Variants in CDH18 observed in about 807,000 individuals in gnomAD.
CDH18 encodes cadherin 18.
In CDH18, 31 loss-of-function variants were observed where a neutral mutation model predicts 67.9. That is an observed-to-expected ratio of 0.46 (90% CI 0.34 to 0.62). CDH18 has a LOEUF of 0.62. Among genes scored for constraint, CDH18 ranks in the 20% least tolerant of loss-of-function variants. The pLI is 0.01. For synonymous variants in CDH18, 362 were observed against 347.2 expected, an observed-to-expected ratio of 1.04 and a Z score of -0.48; for missense variants, 890 against 975.5, an observed-to-expected ratio of 0.91 and a Z score of 1.17.
At chr5:20,374,581 T>C (rs78611925) in intron 1 of CDH18, among the ~76,000 whole-genome samples, 2,882 of 152,264 alleles carry the variant, frequency 0.019, 78 homozygotes, top group East Asian at 0.077. Flanking sequence ...ACTTCTGAGT[T>C]TTCAGCTTCT....
At chr5:20,373,205 A>G (rs1421511229) in intron 1 of CDH18, among the ~76,000 whole-genome samples, 3 of 152,226 alleles carry the variant, frequency 2.0e-5, no homozygotes, top group Non-Finnish European at 4.4e-5. Flanking sequence ...TGCTCTAAAA[A>G]TAGAAACTGA....
chr5:19,815,986 T>G (rs2149919603), intron 3 of CDH18, among the ~76,000 whole-genome samples: 1 of 152,066 alleles, frequency 6.6e-6, no homozygotes, highest in Non-Finnish European at 1.5e-5. Flanking sequence ...ACATACGATT[T>G]ATATCTAGAG....
rs1164204754 is a variant in CDH18 at position 19,960,620 on chromosome 5, TATACAC to T, written c.-257+20434_-257+20439del. On this transcript the variant is annotated intron_variant, in intron 2 of 12. Transcript: ENST00000382275. ...ATATATATACACACACGTGTATATA[TATACAC>T]GTGTATATGTATACATATACACGTG... 4.4e-5 allele frequency among the ~76,000 whole-genome samples: 6 copies of T among 135,278 alleles called. No individual in the cohort carries two copies. In the East Asian group the frequency reaches 1.2e-3, roughly 28 times the overall value. The allele number at this position is 135,278 out of a possible 152,430, so 88.7% of individuals were successfully genotyped here.
intron 3 of CDH18, among the ~76,000 whole-genome samples, chr5:19,777,175 G>A (rs550083975): frequency 3.3e-5 from 5 of 152,258 alleles, no homozygotes; most frequent in Non-Finnish European, 7.3e-5. Flanking sequence ...AGCTATGCAG[G>A]AGCCTGAGGC....
intron 2 of CDH18, among the ~76,000 whole-genome samples, chr5:20,036,987 T>A (rs909292801): frequency 2.0e-5 from 3 of 152,200 alleles, no homozygotes; most frequent in Admixed American, 6.5e-5. Context: ...CTCCATCCCT[T>A]TATTTTGAGC....
In CDH18 at chr5:19,942,158, A is replaced by G. The variant is rs1794892233; in HGVS notation, c.-257+38902T>C. Among the ~76,000 whole-genome samples the G allele has an allele frequency of 2.6e-5, 4 of 152,308 alleles. No individual in the cohort carries two copies. In the South Asian group the frequency reaches 8.3e-4, roughly 32 times the overall value. On this transcript the variant is annotated intron_variant, in intron 2 of 12. Transcript: ENST00000382275. ...GATCAAGATTATGAAGATCTCTGAC[A>G]GGGGATGATGTTCCATTCCCAACTA... is the stretch of plus-strand genomic sequence containing the variant.
At chr5:20,199,999 T>C (rs928067156) in intron 2 of CDH18, among the ~76,000 whole-genome samples, 10 of 152,188 alleles carry the variant, frequency 6.6e-5, no homozygotes, top group Admixed American at 3.3e-4. Flanking sequence ...TAAAACTCTT[T>C]CCTTTATAAA....
intron 5 of CDH18, among the ~76,000 whole-genome samples, chr5:19,632,266 C>A (rs1317408210): frequency 6.6e-6 from 1 of 152,144 alleles, no homozygotes; most frequent in Non-Finnish European, 1.5e-5. Flanking sequence ...GATTTGTATT[C>A]CTTCCTCGCC....
intron 10 of CDH18, among the ~76,000 whole-genome samples, chr5:19,503,954 A>T (rs1031116862): frequency 1.3e-5 from 2 of 152,162 alleles, no homozygotes; most frequent in African/African-American, 4.8e-5. Context: ...GAGAGAGAAG[A>T]TAGAGCTGTG....
intron 4 of CDH18, among the ~76,000 whole-genome samples, chr5:19,741,245 G>A (rs1198278676): frequency 1.2e-5 from 1 of 84,672 alleles, no homozygotes; most frequent in East Asian, 3.7e-4. Context: ...GTACATATAT[G>A]TATGTATATA....
chr5:20,532,926 T>G (rs938084037), intron 1 of CDH18, among the ~76,000 whole-genome samples: 18 of 151,822 alleles, frequency 1.2e-4, no homozygotes, highest in African/African-American at 4.4e-4. Context: ...TGAAACTCCC[T>G]CGTACAGTTT....
chr5:20,422,965 C>A (rs1580966754), intron 1 of CDH18, among the ~76,000 whole-genome samples: 1 of 151,128 alleles, frequency 6.6e-6, no homozygotes, highest in Non-Finnish European at 1.5e-5. Flanking sequence ...ACCCTCAAAT[C>A]TTCACCAGTA....
chr5:20,149,542 A>G (rs1214794033), intron 2 of CDH18, among the ~76,000 whole-genome samples: 1 of 152,210 alleles, frequency 6.6e-6, no homozygotes, highest in African/African-American at 2.4e-5. Flanking sequence ...CAAACAAAAT[A>G]AAGTCTAGGA....
intron 5 of CDH18, among the ~76,000 whole-genome samples, chr5:19,622,590 G>A (rs1469158562): frequency 6.6e-6 from 1 of 152,144 alleles, no homozygotes; most frequent in Non-Finnish European, 1.5e-5. Context: ...CTCTGTTCTT[G>A]AGGGGTTTAG....
intron 6 of CDH18, among the ~76,000 whole-genome samples, chr5:19,599,079 G>A (rs944728455): frequency 6.6e-6 from 1 of 151,990 alleles, no homozygotes; most frequent in African/African-American, 2.4e-5. Flanking sequence ...CTTTGTGATT[G>A]TAGTGATATC....
intron 1 of CDH18, among the ~76,000 whole-genome samples, chr5:20,514,330 G>A (rs1215768551): frequency 1.3e-5 from 2 of 152,134 alleles, no homozygotes; most frequent in Non-Finnish European, 1.5e-5. Context: ...CATGGCAAGT[G>A]AGTCATAGAA....
chr5:19,901,348 T>C (rs1789919983), intron 2 of CDH18, among the ~76,000 whole-genome samples: 1 of 152,132 alleles, frequency 6.6e-6, no homozygotes, highest in Admixed American at 6.6e-5. Context: ...AGTATTTTCA[T>C]TTTTGTTGCA....
At chr5:20,408,332 T>C (rs931689898) in intron 1 of CDH18, among the ~76,000 whole-genome samples, 1 of 152,042 alleles carries the variant, frequency 6.6e-6, no homozygotes, top group Non-Finnish European at 1.5e-5. Context: ...TAAAACTCAT[T>C]GGTAGAGGTA....
chr5:19,737,522 T>C (rs923266249), intron 4 of CDH18, among the ~76,000 whole-genome samples: 1 of 152,168 alleles, frequency 6.6e-6, no homozygotes, highest in Admixed American at 6.6e-5. Context: ...CTATTCCACA[T>C]CCCTGACATT....
Sources: gnomAD v4.1 joint callset for allele counts (sites outside exome capture counted in the v4.1 genomes callset) on GRCh38, gnomAD v4.1.1 for gene constraint, MANE v1.5 for transcripts, NCBI Gene and HGNC (gene_info 2026-07-23, HGNC 2026-07-21) for gene names.